Variants in GLB1L2 observed in about 807,000 individuals in gnomAD.
GLB1L2 encodes galactosidase beta 1 like 2.
In GLB1L2, 68 loss-of-function variants were observed where a neutral mutation model predicts 84.1. The ratio of observed to expected loss-of-function variants is 0.81; its 90% CI spans 0.67 to 0.99. The LOEUF is 0.99. Ranked by LOEUF, GLB1L2 falls within the 50% of genes least tolerant of loss-of-function variation. GLB1L2 has a pLI of 0.00. For synonymous variants in GLB1L2, 290 were observed against 318.0 expected, an observed-to-expected ratio of 0.91 and a Z score of 0.94; for missense variants, 762 against 805.6, an observed-to-expected ratio of 0.95 and a Z score of 0.66.
intron 5 of GLB1L2, among the ~76,000 whole-genome samples, chr11:134,350,261 C>A (rs960861602): frequency 3.5e-4 from 54 of 152,294 alleles, no homozygotes; most frequent in African/African-American, 1.3e-3. Flanking sequence ...CACTTCAGCC[C>A]ATGGTGGTGA....
chr11:134,343,295 G>T (rs1054563883), intron 2 of GLB1L2, among the ~76,000 whole-genome samples: 1 of 152,152 alleles, frequency 6.6e-6, no homozygotes, highest in African/African-American at 2.4e-5. Context: ...TCTTCTTCAG[G>T]AGAGCTGCCT....
chr11:134,367,259 G>T lies in GLB1L2; in HGVS notation c.807G>T (p.Gly269=), dbSNP rs777499081. The change falls in exon 9 of 19, where the codon GGG becomes GGT. Residue 269 remains glycine, a splice_region_variant and synonymous_variant. Coordinates refer to ENST00000535456, the MANE Select transcript of GLB1L2 (RefSeq NM_001370461.1). ...LLTTFLFNVQ[G]TQPKMVMEYW... is the part of the protein sequence containing the mutation. ...AACTCTCATTTTGTGGTGTCCAGGG[G>T]ACTCAGCCCAAGATGGTGATGGAGT... 46 of 1,613,740 alleles carry T rather than the reference G, an allele frequency of 2.9e-5. No individual in the cohort carries two copies. The highest frequency in any genetic ancestry group is 3.6e-5 in the Non-Finnish European group (43 of 1,179,792).
At chr11:134,374,887 C>T (rs1483336084) in intron 18 of GLB1L2, 85 bp from the exon 19 acceptor site, 1 of 1,371,590 alleles carries the variant, frequency 7.3e-7, no homozygotes, top group African/African-American at 1.4e-5. Flanking sequence ...CAAACCCTTT[C>T]CTTCTGACCC....
At chr11:134,357,485 C>T (rs550195639) in intron 6 of GLB1L2, among the ~76,000 whole-genome samples, 2 of 152,244 alleles carry the variant, frequency 1.3e-5, no homozygotes, top group African/African-American at 2.4e-5. Flanking sequence ...CAGCTTCCTA[C>T]AGAAAGATCC....
In GLB1L2 at chr11:134,347,201, T is replaced by C. The variant is rs1591613888; in HGVS notation, c.450-124T>C. 8 of 758,616 alleles carry C rather than the reference T, an allele frequency of 1.1e-5. No individual in the cohort carries two copies. In the East Asian group the frequency reaches 2.0e-4, roughly 19 times the overall value. The allele number at this position is 758,616 out of a possible 1,614,324, so 47.0% of individuals were successfully genotyped here. On this transcript the variant is annotated intron_variant, in intron 4 of 18. Coordinates refer to ENST00000535456, the MANE Select transcript of GLB1L2 (RefSeq NM_001370461.1). ...CTCCCCACTTCTGGGCTCAGTGGGG[T>C]GGAGGAGGGCACAGGTCATTCTGGA...
Position 134,370,372 on chromosome 11 carries a change from G to C in GLB1L2, c.1188G>C (p.Leu396=). Residue 396 remains leucine, a synonymous_variant, in exon 12 of 19, where the codon CTG becomes CTC. Transcript: ENST00000535456. This position sits in a 1 kb window ranked among gnomAD's most constrained non-coding sequence, Gnocchi z 4.7. The stretch of plus-strand genomic sequence containing the variant: ...TAACGCCAGTCTTGTACCTGTCTCT[G>C]TGGGACGCCCTCAAGTACCTGGGGG... ...EPLTPVLYLS[L]WDALKYLGEP... is the part of the protein sequence containing the mutation. 6.2e-7 allele frequency: 1 copy of C among 1,613,850 alleles called. No individual in the cohort carries two copies. Among genetic ancestry groups the C allele is most frequent in the Non-Finnish European group, 8.5e-7 (1 of 1,179,962 alleles).
intron 14 of GLB1L2, 98 bp from the exon 15 acceptor site, chr11:134,371,654 C>A: frequency 2.4e-6 from 3 of 1,250,204 alleles, no homozygotes; most frequent in Admixed American, 1.7e-5. Context: ...TGTACACTCC[C>A]ATCCCCAGAG....
At chr11:134,347,279 C>T (rs773671563) in intron 4 of GLB1L2, 46 bp from the exon 5 acceptor site, 2 of 1,431,372 alleles carry the variant, frequency 1.4e-6, no homozygotes, top group Admixed American at 3.3e-5. Context: ...CACAGCAAAC[C>T]CACTGTGACA....
chr11:134,348,537 AATT>A (rs1943581730), intron 5 of GLB1L2, among the ~76,000 whole-genome samples: 1 of 152,196 alleles, frequency 6.6e-6, no homozygotes, highest in Non-Finnish European at 1.5e-5. Flanking sequence ...ACGATAACAT[AATT>A]ATTATTATTT....
rs1249010739 is a variant in GLB1L2 at position 134,374,719 on chromosome 11, G to A, written c.1824+1G>A. On this transcript the variant is annotated splice_donor_variant, in intron 18 of 18. Transcript: ENST00000535456. LOFTEE classifies it high-confidence loss of function. Reference sequence around the variant, plus strand: ...CTGGTTGAGCAGCGGAATCAACCAGGTGGGAGCTTCCAGCCCCTTCCTGTT... The same window carrying A: ...CTGGTTGAGCAGCGGAATCAACCAGATGGGAGCTTCCAGCCCCTTCCTGTT... The A allele has an allele frequency of 7.5e-6, 12 of 1,609,420 alleles. No homozygotes were observed. Among genetic ancestry groups the A allele is most frequent in the Non-Finnish European group, 9.4e-6 (11 of 1,176,014 alleles).
intron 1 of GLB1L2, among the ~76,000 whole-genome samples, chr11:134,333,151 ACT>A (rs1357712764): frequency 6.6e-6 from 1 of 151,934 alleles, no homozygotes; most frequent in Non-Finnish European, 1.5e-5. Flanking sequence ...ACACTGACAA[ACT>A]CTATGTTTAC....
chr11:134,335,529 G>A (rs556081410), intron 1 of GLB1L2, among the ~76,000 whole-genome samples: 31 of 152,202 alleles, frequency 2.0e-4, no homozygotes, highest in African/African-American at 3.6e-4. Flanking sequence ...TAGGAAGATC[G>A]AGTTGGCTCT....
At position 134,338,832 on chromosome 11, in the gene GLB1L2, C is replaced by T. The variant is rs777585207; in HGVS notation, c.87-3922C>T. Among the ~76,000 whole-genome samples the T allele has an allele frequency of 4.6e-5, 7 of 152,140 alleles. No homozygotes were observed. The highest frequency in any genetic ancestry group is 7.3e-5 in the Non-Finnish European group (5 of 68,034). ...CGGCCCCATCAGAAGTCCTGATGTG[C>T]CTGCCTTCCTCCAGGAACCCCACCT... On this transcript the variant is annotated intron_variant, in intron 1 of 18. Coordinates refer to ENST00000535456, the MANE Select transcript of GLB1L2 (RefSeq NM_001370461.1). This position sits in a 1 kb window ranked among gnomAD's most constrained non-coding sequence, Gnocchi z 6.2.
At chr11:134,364,126 C>G (rs1387004333) in intron 7 of GLB1L2, among the ~76,000 whole-genome samples, 5 of 152,178 alleles carry the variant, frequency 3.3e-5, no homozygotes, top group Non-Finnish European at 7.3e-5. Flanking sequence ...AGTGATCCAC[C>G]TGCCTTAGCC....
chr11:134,363,502 G>A (rs1299778802), intron 7 of GLB1L2, among the ~76,000 whole-genome samples: 1 of 152,204 alleles, frequency 6.6e-6, no homozygotes, highest in Non-Finnish European at 1.5e-5. Flanking sequence ...GGGTGGGCGT[G>A]GGCATGCCCG....
intron 4 of GLB1L2, chr11:134,347,084 A>T: frequency 2.0e-6 from 1 of 489,636 alleles, no homozygotes; most frequent in East Asian, 3.2e-5. Flanking sequence ...GTAGCTGTGG[A>T]GCTGGAAATG....
chr11:134,369,352 C>T (rs1943908706), intron 10 of GLB1L2, among the ~76,000 whole-genome samples: 1 of 152,210 alleles, frequency 6.6e-6, no homozygotes, highest in African/African-American at 2.4e-5. Flanking sequence ...ACCCCCACCT[C>T]TGGCTAATTT....
At chr11:134,336,906 T>A (rs1196183450) in intron 1 of GLB1L2, among the ~76,000 whole-genome samples, 3 of 152,226 alleles carry the variant, frequency 2.0e-5, no homozygotes, top group Non-Finnish European at 4.4e-5. Context: ...GACACAGTCC[T>A]TTTCCTGTTT....
intron 1 of GLB1L2, among the ~76,000 whole-genome samples, chr11:134,335,606 G>A (rs1202339213): frequency 6.6e-6 from 1 of 152,148 alleles, no homozygotes; most frequent in African/African-American, 2.4e-5. Flanking sequence ...AGCAGCCATA[G>A]TATTGGTATA....
Sources: gnomAD v4.1 joint callset for allele counts (sites outside exome capture counted in the v4.1 genomes callset) on GRCh38, gnomAD v4.1.1 for gene constraint, Gnocchi (gnomAD v3.1) non-coding constraint, MANE v1.5 for transcripts, NCBI Gene and HGNC (gene_info 2026-07-23, HGNC 2026-07-21) for gene names.